The following GYG2 variants were observed in gnomAD, a reference collection of about 807,000 sequenced individuals.
GYG2 encodes the protein glycogenin-2.
Under a neutral mutation model 29.4 loss-of-function variants are expected in GYG2, and 29 were observed. The ratio of observed to expected loss-of-function variants is 0.99; its 90% CI spans 0.74 to 1.35. GYG2 has a LOEUF of 1.35. Among genes scored for constraint, GYG2 ranks in the 40% most tolerant of loss-of-function variants. The pLI, the probability that GYG2 is intolerant of heterozygous loss-of-function variation, is 0.00. For synonymous variants in GYG2, 167 were observed against 172.3 expected, an observed-to-expected ratio of 0.97 and a Z score of 0.24; for missense variants, 370 against 385.7, an observed-to-expected ratio of 0.96 and a Z score of 0.34.
intron 8 of GYG2, among the ~76,000 whole-genome samples, chrX:2,872,492 C>G (rs888451002): frequency 2.7e-5 from 3 of 112,249 alleles, no homozygotes; most frequent in Admixed American, 9.5e-5. Flanking sequence ...TTAGCAAGGG[C>G]TGACTGAACT....
At chrX:2,832,075 T>C (rs904106599) in intron 2 of GYG2, among the ~76,000 whole-genome samples, 2 of 112,855 alleles carry the variant, frequency 1.8e-5, no homozygotes, top group African/African-American at 6.4e-5. Flanking sequence ...CACCAGGACT[T>C]GATCACCAGT....
At chrX:2,839,324 G>A (rs2147139165) in intron 2 of GYG2, among the ~76,000 whole-genome samples, 1 of 111,224 alleles carries the variant, frequency 9.0e-6, no homozygotes, top group East Asian at 2.8e-4. Flanking sequence ...TTGGCTTGGG[G>A]TTCACACTTG....
chrX:2,858,420 C>T (rs1404317811), intron 6 of GYG2, among the ~76,000 whole-genome samples: 1 of 110,932 alleles, frequency 9.0e-6, no homozygotes, highest in Non-Finnish European at 1.9e-5. Context: ...GAGCCGAGAT[C>T]GTGCCACTGC....
At chrX:2,831,736 G>C (rs1350382901) in intron 2 of GYG2, among the ~76,000 whole-genome samples, 2 of 111,770 alleles carry the variant, frequency 1.8e-5, no homozygotes, top group Admixed American at 9.5e-5. Context: ...AACCACCTTT[G>C]AGTAGAAAAG....
chrX:2,858,212 A>T (rs2088067609), intron 6 of GYG2, among the ~76,000 whole-genome samples: 1 of 111,911 alleles, frequency 8.9e-6, no homozygotes, highest in South Asian at 3.7e-4. Flanking sequence ...CTGTCATTCC[A>T]GCCCTTTGGG....
intron 6 of GYG2, among the ~76,000 whole-genome samples, chrX:2,857,332 CTATA>C (rs1355176111): frequency 5.5e-5 from 6 of 109,076 alleles, no homozygotes; most frequent in Non-Finnish European, 9.5e-5. Flanking sequence ...ATATAGATAC[CTATA>C]TCTATCTATC....
chrX:2,846,663 T>G (rs1233011892), intron 3 of GYG2, among the ~76,000 whole-genome samples: 1 of 111,248 alleles, frequency 9.0e-6, no homozygotes, highest in Non-Finnish European at 1.9e-5. Context: ...GAGGATTGTT[T>G]GAGCCCAGAG....
intron 3 of GYG2, among the ~76,000 whole-genome samples, chrX:2,849,679 G>C (rs1164499833): frequency 8.9e-6 from 1 of 112,302 alleles, no homozygotes. Context: ...TGAAATGAAA[G>C]TTCTGTATTC....
At chrX:2,844,708 G>A (rs1332802912) in intron 3 of GYG2, among the ~76,000 whole-genome samples, 1 of 36,634 alleles carries the variant, frequency 2.7e-5, no homozygotes. Context: ...ATACGCACAC[G>A]CATGCGTATA....
intron 8 of GYG2, 68 bp downstream of exon 8, chrX:2,861,790 C>A (rs2147226865): frequency 1.1e-6 from 1 of 870,971 alleles, no homozygotes; most frequent in Non-Finnish European, 1.6e-6. Flanking sequence ...GCAGAGAGAG[C>A]CGGCTTCCCT....
At position 2,843,328 on chromosome X, in the gene GYG2, C is replaced by T; in HGVS notation, c.123C>T (p.Ile41=). The T allele has an allele frequency of 8.3e-7, 1 of 1,200,179 alleles. No individual in the cohort carries two copies. The part of the protein sequence containing the change: ...HRLTRKLVVL[I]TPQVSSLLRV... Reference sequence around the variant, plus strand: ...TGACGAGGAAGCTGGTGGTGTTGATCACTCCTCAGGTGTCCAGCCTGCTCA... The same window carrying T: ...TGACGAGGAAGCTGGTGGTGTTGATTACTCCTCAGGTGTCCAGCCTGCTCA... Residue 41 remains isoleucine (I), a synonymous_variant, in exon 3 of 11, where the codon ATC becomes ATT. Transcript: ENST00000398806.
chrX:2,830,941 A>T (rs1165098079), intron 2 of GYG2, among the ~76,000 whole-genome samples: 2 of 111,809 alleles, frequency 1.8e-5, no homozygotes, highest in Admixed American at 9.4e-5. Context: ...CAACAAAATA[A>T]GAATCCAGGT....
At chrX:2,830,919 T>A (rs1187335548) in intron 2 of GYG2, among the ~76,000 whole-genome samples, 1 of 111,978 alleles carries the variant, frequency 8.9e-6, no homozygotes, top group Non-Finnish European at 1.9e-5. Context: ...AGACCCTGTC[T>A]CTAAAAAACA....
chrX:2,830,031 G>C (rs2087227422), intron 1 of GYG2, 30 bp from the exon 2 acceptor site: 2 of 492,204 alleles, frequency 4.1e-6, no homozygotes, highest in Non-Finnish European at 7.1e-6. Context: ...GCAGCCGAGG[G>C]TGTCGAGACT....
rs1180435114 is a variant in GYG2, at chrX:2,875,827, A to T, written c.1056A>T (p.Glu352Asp). 8.4e-7 allele frequency: 1 copy of T among 1,189,687 alleles called. No homozygotes were observed. The highest frequency in any genetic ancestry group is 3.0e-5 in the East Asian group (1 of 33,690). Reference sequence around the variant, plus strand: ...TATAACAGATGATAGCTTGTCCTGAAACTGAGACTCCTGCCGTGATAACGT... The same window carrying T: ...TATAACAGATGATAGCTTGTCCTGATACTGAGACTCCTGCCGTGATAACGT... Reference protein sequence around the residue: ...RRSEDMIACPETETPAVITCD... With the variant: ...RRSEDMIACPDTETPAVITCD... Residue 352 changes from glutamate (E) to aspartate (D), a missense_variant, in exon 9 of 11, where the codon GAA becomes GAT. Physicochemically the swap from Glu to Asp is conservative, Grantham distance 45. Coordinates refer to ENST00000398806, the MANE Select transcript of GYG2 (RefSeq NM_001079855.2).
At chrX:2,879,051 C>T (rs2088659318) in intron 10 of GYG2, among the ~76,000 whole-genome samples, 1 of 111,091 alleles carries the variant, frequency 9.0e-6, no homozygotes, top group South Asian at 3.8e-4. Flanking sequence ...CTCTTGCTAT[C>T]ACCTTAATCA....
chrX:2,857,499 T>C (rs763978210), intron 6 of GYG2, among the ~76,000 whole-genome samples: 216 of 110,811 alleles, frequency 1.9e-3, no homozygotes, highest in African/African-American at 6.3e-3. Context: ...TATCTAGATA[T>C]CTATGTATAT....
In GYG2 at chrX:2,831,219, A is replaced by T. The variant is rs1031416688; in HGVS notation, c.7+1024A>T. On this transcript the variant is annotated intron_variant, in intron 2 of 10. Coordinates refer to ENST00000398806, the MANE Select transcript of GYG2 (RefSeq NM_001079855.2). Reference sequence around the variant, plus strand: ...TTCTATGAGTGCATTTTATGTATTTATTTTTAAATGTATATTTTTTAAATT... The same window carrying T: ...TTCTATGAGTGCATTTTATGTATTTTTTTTTAAATGTATATTTTTTAAATT... 2.7e-5 allele frequency among the ~76,000 whole-genome samples: 3 copies of T among 112,625 alleles called. No homozygotes were observed. In the Admixed American group the frequency reaches 2.8e-4, roughly 11 times the overall value.
intron 8 of GYG2, among the ~76,000 whole-genome samples, chrX:2,872,436 G>T (rs1041496417): frequency 8.9e-6 from 1 of 112,167 alleles, no homozygotes; most frequent in African/African-American, 3.2e-5. Context: ...TGTTTCGGCT[G>T]TTAATATTAC....
Sources: allele counts gnomAD v4.1 joint callset (sites outside exome capture counted in the v4.1 genomes callset), GRCh38; gene constraint gnomAD v4.1.1; transcripts MANE v1.5; gene names NCBI Gene and HGNC (gene_info 2026-07-23, HGNC 2026-07-21).